The following TUSC3 variants were observed in gnomAD, a reference collection of about 807,000 sequenced individuals.
The protein encoded by TUSC3 is tumor suppressor candidate 3, also known as dolichyl-diphosphooligosaccharide--protein glycosyltransferase subunit TUSC3.
Under a neutral mutation model 44.8 loss-of-function variants are expected in TUSC3, and 45 were observed. That is an observed-to-expected ratio of 1.00 (90% CI 0.79 to 1.29). TUSC3 has a LOEUF of 1.29. TUSC3 is among the 50% of genes most tolerant of loss of function. The pLI, the probability that TUSC3 is intolerant of heterozygous loss-of-function variation, is 0.00. For synonymous variants in TUSC3, 212 were observed against 152.9 expected (o/e 1.39, Z -2.85); for missense variants, 519 against 437.9 (o/e 1.19, Z -1.65).
At chr8:15,570,218 C>A (rs933290840) in intron 1 of TUSC3, among the ~76,000 whole-genome samples, 1 of 151,640 alleles carries the variant, frequency 6.6e-6, no homozygotes, top group African/African-American at 2.4e-5. Flanking sequence ...ACAAAACACT[C>A]CACATCTTTT....
At chr8:15,429,709 T>A (rs1034054923) in intron 1 of TUSC3, among the ~76,000 whole-genome samples, 2 of 151,668 alleles carry the variant, frequency 1.3e-5, no homozygotes, top group Non-Finnish European at 2.9e-5. Flanking sequence ...TAAGGTGGAT[T>A]CTTAGGTATT....
intron 1 of TUSC3, among the ~76,000 whole-genome samples, chr8:15,473,094 C>T (rs189904883): frequency 2.5e-4 from 38 of 152,272 alleles, no homozygotes; most frequent in African/African-American, 8.9e-4. Flanking sequence ...CTGTGTTTCT[C>T]ATTCTTTTTA....
intron 7 of TUSC3, among the ~76,000 whole-genome samples, chr8:15,733,942 G>A (rs1476138942): frequency 3.3e-5 from 5 of 152,168 alleles, no homozygotes; most frequent in Non-Finnish European, 7.3e-5. Flanking sequence ...TACTTGGGAG[G>A]CGGAGGCAGG....
At chr8:15,457,116 A>T (rs1218513759) in intron 1 of TUSC3, among the ~76,000 whole-genome samples, 2 of 144,202 alleles carry the variant, frequency 1.4e-5, no homozygotes, top group Non-Finnish European at 3.0e-5. Flanking sequence ...GAATTGAACA[A>T]TGAGAACACA....
chr8:15,827,355 G>A, the TUSC3 span, among the ~76,000 whole-genome samples: 5 of 152,180 alleles, frequency 3.3e-5, no homozygotes, highest in African/African-American at 1.2e-4. Context: ...GAACACTAGT[G>A]TCATATATGA....
At chr8:15,489,787 G>C (rs1800780808) in intron 2 of TUSC3, among the ~76,000 whole-genome samples, 1 of 152,142 alleles carries the variant, frequency 6.6e-6, no homozygotes, top group Non-Finnish European at 1.5e-5. Flanking sequence ...TCCCATCGTG[G>C]CCTAAAATAG....
At chr8:15,745,421 G>C (rs913895015) in intron 8 of TUSC3, among the ~76,000 whole-genome samples, 1 of 151,892 alleles carries the variant, frequency 6.6e-6, no homozygotes, top group Non-Finnish European at 1.5e-5. Context: ...TTACATTCCC[G>C]ACAACAGTGC....
intron 7 of TUSC3, among the ~76,000 whole-genome samples, chr8:15,734,130 G>T (rs1477379959): frequency 6.6e-6 from 1 of 152,094 alleles, no homozygotes; most frequent in Admixed American, 6.5e-5. Context: ...TATTTTCTTT[G>T]TAATTTGTGT....
chr8:15,583,116 G>C (rs1324568294), intron 1 of TUSC3, among the ~76,000 whole-genome samples: 1 of 152,114 alleles, frequency 6.6e-6, no homozygotes, highest in African/African-American at 2.4e-5. Flanking sequence ...TTACCCCATG[G>C]CAATAAGAAT....
chr8:15,770,276 C>G (rs957322538), downstream of TUSC3, among the ~76,000 whole-genome samples: 2 of 152,098 alleles, frequency 1.3e-5, no homozygotes, highest in Non-Finnish European at 2.9e-5. Flanking sequence ...ATGGATGAAG[C>G]TGGAAACCAT....
intron 1 of TUSC3, among the ~76,000 whole-genome samples, chr8:15,442,472 A>G (rs1417489092): frequency 6.6e-6 from 1 of 152,180 alleles, no homozygotes; most frequent in African/African-American, 2.4e-5. Flanking sequence ...AAAACTAATA[A>G]AGTTTTATTT....
chr8:15,718,731 T>A (rs1333199682), intron 6 of TUSC3, among the ~76,000 whole-genome samples: 1 of 152,112 alleles, frequency 6.6e-6, no homozygotes, highest in Non-Finnish European at 1.5e-5. Context: ...TTGATTTTAT[T>A]TGAAGTTCAT....
At chr8:15,828,316 A>T in the TUSC3 span, among the ~76,000 whole-genome samples, 24 of 152,266 alleles carry the variant, frequency 1.6e-4, no homozygotes, top group African/African-American at 5.5e-4. Context: ...TTTAATCTAC[A>T]GTTTGTAGAT....
At chr8:15,784,126 A>G in the TUSC3 span, among the ~76,000 whole-genome samples, 1 of 152,186 alleles carries the variant, frequency 6.6e-6, no homozygotes, top group Admixed American at 6.5e-5. Flanking sequence ...TCATGGATGT[A>G]CAAATTAAAA....
chr8:15,697,768 T>C (rs1809233791), intron 6 of TUSC3, among the ~76,000 whole-genome samples: 1 of 152,258 alleles, frequency 6.6e-6, no homozygotes, highest in Admixed American at 6.5e-5. Context: ...TTTGTTGTCC[T>C]GTTTTTGGAG....
intron 9 of TUSC3, 81 bp from the exon 10 acceptor site, chr8:15,757,710 A>C: frequency 6.9e-7 from 1 of 1,455,414 alleles, no homozygotes; most frequent in Non-Finnish European, 9.6e-7. Context: ...TAAATCTTGT[A>C]ATAATATTGT....
the TUSC3 span, among the ~76,000 whole-genome samples, chr8:15,826,781 G>T: frequency 6.6e-6 from 1 of 152,146 alleles, no homozygotes; most frequent in East Asian, 1.9e-4. Context: ...GAACTCTTCA[G>T]ATATCCTCTG....
intron 1 of TUSC3, among the ~76,000 whole-genome samples, chr8:15,560,470 C>T (rs1364618657): frequency 2.0e-5 from 3 of 150,708 alleles, no homozygotes; most frequent in Admixed American, 6.6e-5. Context: ...GTGAATCTGA[C>T]CATTATGTGT....
the TUSC3 span, among the ~76,000 whole-genome samples, chr8:15,849,345 G>A: frequency 2.0e-5 from 3 of 152,132 alleles, no homozygotes; most frequent in African/African-American, 7.2e-5. Context: ...CTTCCCAGTG[G>A]GGAGTTGCAC....
Sources: gnomAD v4.1 joint callset for allele counts (sites outside exome capture counted in the v4.1 genomes callset) on GRCh38, gnomAD v4.1.1 for gene constraint, MANE v1.5 for transcripts, NCBI Gene and HGNC (gene_info 2026-07-23, HGNC 2026-07-21) for gene names.